Variants in SLC6A15 observed in about 807,000 individuals in gnomAD.
SLC6A15 encodes the protein sodium-dependent neutral amino acid transporter B(0)AT2.
A neutral mutation model predicts 68.5 loss-of-function variants in SLC6A15; 33 were observed. The ratio of observed to expected loss-of-function variants is 0.48; its 90% CI spans 0.37 to 0.64. The LOEUF is 0.64. SLC6A15 is among the 30% of genes least tolerant of loss of function. The pLI is 0.00. For missense variants in SLC6A15, 747 were observed against 874.3 expected (o/e 0.85, Z 1.84); for synonymous variants, 347 against 301.0 (o/e 1.15, Z -1.58).
At chr12:84,867,311 A>C in intron 9 of SLC6A15, 118 bp from the exon 10 acceptor site, 1 of 782,626 alleles carries the variant, frequency 1.3e-6, no homozygotes, top group Non-Finnish European at 1.9e-6. Flanking sequence ...CATCATATAA[A>C]CAGGCAATAC....
chr12:84,899,706 A>G (rs1046957416), intron 1 of SLC6A15, among the ~76,000 whole-genome samples: 1 of 152,202 alleles, frequency 6.6e-6, no homozygotes, highest in Non-Finnish European at 1.5e-5. Flanking sequence ...ATCTATGTAT[A>G]TGAACATAAA....
At chr12:84,889,502 ATAAAAATAAAAATAAAAAT>A (rs537371208) in intron 2 of SLC6A15, among the ~76,000 whole-genome samples, 5,805 of 148,114 alleles carry the variant, frequency 0.039, 372 homozygotes, top group African/African-American at 0.14. Context: ...TCAGAAAAAA[ATAAAAATAAAAATAAAAAT>A]AAAAATAAAA....
chr12:84,867,030 T>G lies in SLC6A15; in HGVS notation c.1655+4A>C. On this transcript the variant is annotated splice_donor_region_variant and intron_variant, in intron 10 of 11. Coordinates refer to ENST00000266682, the MANE Select transcript of SLC6A15 (RefSeq NM_182767.6). ...AGTGAATACATAAAAGCAAATATACTTACTTATCTATGCCATAAACAAAGC... is the reference window on the plus strand; with the variant it reads ...AGTGAATACATAAAAGCAAATATACGTACTTATCTATGCCATAAACAAAGC... The G allele has an allele frequency of 1.9e-6, 3 of 1,577,878 alleles. No individual in the cohort carries two copies. The highest frequency in any genetic ancestry group is 2.6e-6 in the Non-Finnish European group (3 of 1,164,942).
chr12:84,869,755 T>C (rs552642021), intron 9 of SLC6A15, among the ~76,000 whole-genome samples: 59 of 152,308 alleles, frequency 3.9e-4, no homozygotes, highest in African/African-American at 1.3e-3. Flanking sequence ...TGAATTCTTA[T>C]ATGTAAAATC....
At chr12:84,894,251 C>T (rs990172419) in intron 1 of SLC6A15, among the ~76,000 whole-genome samples, 2 of 152,058 alleles carry the variant, frequency 1.3e-5, no homozygotes, top group Non-Finnish European at 2.9e-5. Flanking sequence ...ATTTGTAAGA[C>T]ATGAATTATC....
In SLC6A15 at chr12:84,885,507, A is replaced by G; in HGVS notation, c.502T>C (p.Tyr168His). The G allele has an allele frequency of 6.2e-7, 1 of 1,613,698 alleles. No individual in the cohort carries two copies. Among genetic ancestry groups the G allele is most frequent in the South Asian group, 1.1e-5 (1 of 91,070 alleles). ...GGTTGCTGAAAAGACTGAGAAAAAT[A>G]AAACAAACTCCAGCCAATGATGACG... ...YNVIIGWSLF[Y>H]FSQSFQQPLP... The change falls in exon 4 of 12, where the codon TAT (tyrosine) becomes CAT (histidine). Residue 168 changes from tyrosine (Y) to histidine (H), a missense_variant. Physicochemically the swap from Tyr to His is moderately conservative, Grantham distance 83. Coordinates refer to ENST00000266682, the MANE Select transcript of SLC6A15 (RefSeq NM_182767.6).
At chr12:84,898,196 C>G (rs1872709714) in intron 1 of SLC6A15, among the ~76,000 whole-genome samples, 1 of 152,092 alleles carries the variant, frequency 6.6e-6, no homozygotes. Flanking sequence ...CAAAAATTAG[C>G]CAGGCCTGGT....
At chr12:84,884,355 G>T (rs976868655) in intron 4 of SLC6A15, among the ~76,000 whole-genome samples, 1 of 151,778 alleles carries the variant, frequency 6.6e-6, no homozygotes, top group African/African-American at 2.4e-5. Flanking sequence ...GCCCAGGCTG[G>T]AGTGCAATGG....
chr12:84,872,722 G>A lies in SLC6A15; in HGVS notation c.1182C>T (p.Asn394=). 1 of 1,613,066 alleles carries A rather than the reference G, an allele frequency of 6.2e-7. No homozygotes were observed. Among genetic ancestry groups the A allele is most frequent in the Non-Finnish European group, 8.5e-7 (1 of 1,179,622 alleles). ...ISQDIIPHHI[N]LSTVTAEDYH... Reference sequence around the variant, plus strand: ...AATCTTCTGCAGTAACAGTTGAAAGGTTGATATGATGGGGAATAATATCCT... The same window carrying A: ...AATCTTCTGCAGTAACAGTTGAAAGATTGATATGATGGGGAATAATATCCT... The change falls in exon 8 of 12, where the codon AAC becomes AAT. Residue 394 remains asparagine, a synonymous_variant. Transcript: ENST00000266682.
chr12:84,902,447 G>A (rs1216733786), intron 1 of SLC6A15, among the ~76,000 whole-genome samples: 2 of 151,778 alleles, frequency 1.3e-5, no homozygotes, highest in Non-Finnish European at 2.9e-5. Flanking sequence ...AAACAACTTG[G>A]TTACTTTTAA....
chr12:84,881,556 C>A, intron 5 of SLC6A15: 1 of 985,374 alleles, frequency 1.0e-6, no homozygotes, highest in Non-Finnish European at 1.2e-6. Flanking sequence ...ATGTCCCTAT[C>A]ATACCCCTCT....
intron 5 of SLC6A15, chr12:84,883,644 A>G (rs1871933143): frequency 6.9e-7 from 1 of 1,457,868 alleles, no homozygotes; most frequent in African/African-American, 1.4e-5. Context: ...AGGAAAGATT[A>G]TAATTAACCT....
rs570707879 is a variant in SLC6A15 at position 84,867,167 on chromosome 12, T to C, written c.1522A>G (p.Ile508Val). 9 of 1,604,808 alleles carry C rather than the reference T, an allele frequency of 5.6e-6. No homozygotes were observed. The South Asian group carries it at 5.6e-5, about 10-fold the overall frequency. The stretch of plus-strand genomic sequence containing the variant: ...GAGCGTTGCACAAATATCAGGCCAA[T>C]ACAAAATGCCAGAAGACAACAGATA... ...TVICCLLAFC[I>V]GLIFVQRSGN... The change falls in exon 10 of 12, where the codon ATT (isoleucine) becomes GTT (valine). Residue 508 changes from isoleucine (I) to valine (V), a missense_variant. Transcript: ENST00000266682.
At chr12:84,879,567 C>G (rs1871725298) in intron 5 of SLC6A15, among the ~76,000 whole-genome samples, 1 of 151,766 alleles carries the variant, frequency 6.6e-6, no homozygotes. Context: ...CTCAGGCAAT[C>G]CACCCGCCTC....
chr12:84,878,051 A>G (rs140526134), intron 5 of SLC6A15, among the ~76,000 whole-genome samples: 33 of 152,254 alleles, frequency 2.2e-4, no homozygotes, highest in African/African-American at 5.8e-4. Flanking sequence ...ACTGAATTCA[A>G]TAATAACTAC....
intron 1 of SLC6A15, among the ~76,000 whole-genome samples, chr12:84,911,601 G>A (rs964216945): frequency 6.6e-6 from 1 of 152,320 alleles, no homozygotes; most frequent in African/African-American, 2.4e-5. Flanking sequence ...CCCGCAGCCT[G>A]TGCCACTGGG....
rs187200122 is a variant in SLC6A15, at chr12:84,877,595, G to A, written c.757-988C>T. Among the ~76,000 whole-genome samples the A allele has an allele frequency of 3.0e-4, 45 of 152,162 alleles. No individual in the cohort carries two copies. In the East Asian group the frequency reaches 3.5e-3, roughly 12 times the overall value. ...CTCAGCCAGCCTTAAGATGCAGGGC[G>A]GCACCTTCCTTCAGAAGCACCTCTT... is the stretch of plus-strand genomic sequence containing the variant. On this transcript the variant is annotated intron_variant, in intron 5 of 11. Transcript: ENST00000266682.
intron 1 of SLC6A15, among the ~76,000 whole-genome samples, chr12:84,897,707 C>T (rs1022604417): frequency 6.6e-5 from 10 of 151,700 alleles, no homozygotes; most frequent in South Asian, 2.1e-4. Flanking sequence ...ATTTGTATTC[C>T]GATTATAAAA....
chr12:84,888,247 G>C (rs1447781760), intron 2 of SLC6A15, among the ~76,000 whole-genome samples: 1 of 75,392 alleles, frequency 1.3e-5, no homozygotes, highest in Non-Finnish European at 3.0e-5. Flanking sequence ...CTCGGTGACA[G>C]AGTGAGACCT....
Sources: allele counts gnomAD v4.1 joint callset (sites outside exome capture counted in the v4.1 genomes callset), GRCh38; gene constraint gnomAD v4.1.1; transcripts MANE v1.5; gene names NCBI Gene and HGNC (gene_info 2026-07-23, HGNC 2026-07-21).